Variants in TRERF1 observed in about 807,000 individuals in gnomAD.
TRERF1 encodes the protein transcriptional-regulating factor 1.
Under a neutral mutation model 122.9 loss-of-function variants are expected in TRERF1, and 27 were observed. The ratio of observed to expected loss-of-function variants is 0.22; its 90% CI spans 0.16 to 0.30. TRERF1 has a LOEUF of 0.30. TRERF1 is among the 10% of genes least tolerant of loss of function. TRERF1 has a pLI of 1.00. For missense variants in TRERF1, 1,248 were observed against 1,560.3 expected (o/e 0.80, Z 3.37); for synonymous variants, 636 against 641.7 (o/e 0.99, Z 0.13).
chr6:42,391,632 G>C (rs560121978), intron 2 of TRERF1, among the ~76,000 whole-genome samples: 95 of 152,178 alleles, frequency 6.2e-4, no homozygotes, highest in African/African-American at 2.2e-3. Context: ...AGAAGCTGCT[G>C]GTCCTGTGGG....
At chr6:42,301,108 TC>T (rs1188094976) in intron 3 of TRERF1, among the ~76,000 whole-genome samples, 1 of 151,140 alleles carries the variant, frequency 6.6e-6, no homozygotes, top group Non-Finnish European at 1.5e-5. Context: ...GTGCTGTGAT[TC>T]CCCAAATCCA....
chr6:42,283,386 T>C (rs977276060), intron 4 of TRERF1, among the ~76,000 whole-genome samples: 2 of 152,088 alleles, frequency 1.3e-5, no homozygotes, highest in Non-Finnish European at 2.9e-5. Context: ...ATAATAAGGG[T>C]CAACTATGTA....
chr6:42,438,518 G>A (rs1785879942), intron 2 of TRERF1, among the ~76,000 whole-genome samples: 2 of 151,602 alleles, frequency 1.3e-5, no homozygotes, highest in African/African-American at 2.4e-5. Context: ...GCTGAGGCAG[G>A]AGAATTGCTT....
intron 16 of TRERF1, among the ~76,000 whole-genome samples, chr6:42,235,592 C>T (rs1372831456): frequency 6.6e-6 from 1 of 152,124 alleles, no homozygotes; most frequent in Non-Finnish European, 1.5e-5. Context: ...ACACACACTC[C>T]CTTTCAGCCT....
At chr6:42,419,116 T>C (rs182673555) in intron 2 of TRERF1, among the ~76,000 whole-genome samples, 1 of 152,320 alleles carries the variant, frequency 6.6e-6, no homozygotes, top group Admixed American at 6.5e-5. Context: ...AGAAAAGTAG[T>C]AGCTTTTTAA....
At chr6:42,440,254 G>A (rs765026265) in intron 2 of TRERF1, among the ~76,000 whole-genome samples, 1 of 152,128 alleles carries the variant, frequency 6.6e-6, no homozygotes, top group Non-Finnish European at 1.5e-5. Context: ...TTAGAGTCTA[G>A]AGGTCTGTAC....
chr6:42,282,191 A>G (rs1317545362), intron 4 of TRERF1, among the ~76,000 whole-genome samples: 1 of 152,234 alleles, frequency 6.6e-6, no homozygotes, highest in Non-Finnish European at 1.5e-5. Flanking sequence ...ATGCCTAACC[A>G]TAAGGGATTG....
At chr6:42,256,891 C>A (rs1776849523) in intron 11 of TRERF1, 60 bp from the exon 12 acceptor site, 1 of 1,613,188 alleles carries the variant, frequency 6.2e-7, no homozygotes, top group Non-Finnish European at 8.5e-7. Flanking sequence ...GGAAAACACA[C>A]CAATCCCAGA....
chr6:42,381,330 G>A lies in TRERF1; in HGVS notation c.-453-18251C>T, dbSNP rs77865483. Reference sequence around the variant, plus strand: ...ATTTGGTGGTTCCTTAAAACAAGGCGCTGGTTGAACCAGCGCCTTGTTTTA... The same window carrying A: ...ATTTGGTGGTTCCTTAAAACAAGGCACTGGTTGAACCAGCGCCTTGTTTTA... On this transcript the variant is annotated intron_variant, in intron 2 of 17. Transcript: ENST00000372922. 2.5e-4 allele frequency among the ~76,000 whole-genome samples: 37 copies of A among 147,568 alleles called. No homozygotes were observed. In the East Asian group the frequency reaches 6.6e-3, roughly 26 times the overall value.
chr6:42,397,879 G>T (rs550391468), intron 2 of TRERF1, among the ~76,000 whole-genome samples: 21 of 152,316 alleles, frequency 1.4e-4, no homozygotes, highest in African/African-American at 4.6e-4. Context: ...ACTGTGGAGG[G>T]GTCCTCCAGA....
At chr6:42,410,211 G>A (rs1780913379) in intron 2 of TRERF1, among the ~76,000 whole-genome samples, 1 of 152,084 alleles carries the variant, frequency 6.6e-6, no homozygotes, top group Non-Finnish European at 1.5e-5. Context: ...GCATGATCAG[G>A]GCTCACAGAG....
intron 2 of TRERF1, among the ~76,000 whole-genome samples, chr6:42,363,423 C>T (rs1772151666): frequency 6.6e-6 from 1 of 152,192 alleles, no homozygotes; most frequent in African/African-American, 2.4e-5. Flanking sequence ...CGTTTCTCGA[C>T]ACCTCCACTG....
At chr6:42,310,972 T>C (rs2150348912) in intron 3 of TRERF1, among the ~76,000 whole-genome samples, 1 of 152,354 alleles carries the variant, frequency 6.6e-6, no homozygotes, top group African/African-American at 2.4e-5. Flanking sequence ...AAATTCTGCA[T>C]GTAAACCACA....
intron 2 of TRERF1, among the ~76,000 whole-genome samples, chr6:42,415,318 T>C (rs924563684): frequency 6.6e-6 from 1 of 152,204 alleles, no homozygotes; most frequent in Non-Finnish European, 1.5e-5. Flanking sequence ...TTCCAAATTA[T>C]TTTTCTCAGA....
At chr6:42,240,318 C>T (rs1561803976) in intron 15 of TRERF1, among the ~76,000 whole-genome samples, 2 of 152,216 alleles carry the variant, frequency 1.3e-5, no homozygotes, top group South Asian at 2.1e-4. Context: ...AACACCCAAG[C>T]CTAAGATACA....
At chr6:42,378,744 C>T (rs959914241) in intron 2 of TRERF1, among the ~76,000 whole-genome samples, 1 of 152,078 alleles carries the variant, frequency 6.6e-6, no homozygotes, top group Non-Finnish European at 1.5e-5. Flanking sequence ...AGGCTACCCA[C>T]AAAAAAGGGG....
chr6:42,357,328 C>CAAAAAA, intron 3 of TRERF1, among the ~76,000 whole-genome samples: 1 of 61,150 alleles, frequency 1.6e-5, no homozygotes, highest in Non-Finnish European at 3.6e-5. Flanking sequence ...GACTCTGTCT[C>CAAAAAA]AAAAAAAAAA....
intron 4 of TRERF1, among the ~76,000 whole-genome samples, chr6:42,274,874 A>C (rs1258755918): frequency 6.6e-6 from 1 of 152,214 alleles, no homozygotes; most frequent in Non-Finnish European, 1.5e-5. Context: ...AACAGCAAAA[A>C]TTATCCTAAA....
At chr6:42,395,524 G>A (rs1321252135) in intron 2 of TRERF1, among the ~76,000 whole-genome samples, 3 of 152,062 alleles carry the variant, frequency 2.0e-5, no homozygotes, top group African/African-American at 7.2e-5. Context: ...TTGCCCACTC[G>A]GACTCAACAA....
Sources: allele counts gnomAD v4.1 joint callset (sites outside exome capture counted in the v4.1 genomes callset), GRCh38; gene constraint gnomAD v4.1.1; transcripts MANE v1.5; gene names NCBI Gene and HGNC (gene_info 2026-07-23, HGNC 2026-07-21).